Variants in LRRC9 observed in about 807,000 individuals in gnomAD.
LRRC9 encodes leucine rich repeat containing 9, also known as leucine-rich repeat-containing protein 9.
In LRRC9, 122 loss-of-function variants were observed where a neutral mutation model predicts 63.2. The observed-to-expected ratio is 1.93, with a 90% CI of 1.67 to 2.24. The LOEUF (loss-of-function observed/expected upper bound fraction) is 2.24, where lower values mean the gene tolerates loss of function less well. Among genes scored for constraint, LRRC9 ranks in the 30% most tolerant of loss-of-function variants. The pLI, the probability that LRRC9 is intolerant of heterozygous loss-of-function variation, is 0.00. For missense variants in LRRC9, 1,071 were observed against 627.7 expected, an observed-to-expected ratio of 1.71 and a Z score of -7.55; for synonymous variants, 366 against 213.1, an observed-to-expected ratio of 1.72 and a Z score of -6.25.
intron 25 of LRRC9, 68 bp downstream of exon 25, chr14:60,018,547 A>C: frequency 1.6e-6 from 1 of 608,698 alleles, no homozygotes; most frequent in East Asian, 2.8e-5. Flanking sequence ...CTTTGGATTA[A>C]ATGGTATTTC....
At chr14:59,939,759 G>C (rs1422459339) in intron 7 of LRRC9, among the ~76,000 whole-genome samples, 1 of 151,916 alleles carries the variant, frequency 6.6e-6, no homozygotes, top group East Asian at 1.9e-4. Flanking sequence ...GGGAGGTGTA[G>C]GTTTAGGAGG....
At chr14:59,984,326 T>A (rs538291151) in intron 16 of LRRC9, among the ~76,000 whole-genome samples, 2 of 152,278 alleles carry the variant, frequency 1.3e-5, no homozygotes, top group Admixed American at 1.3e-4. Context: ...ATATAAGGCA[T>A]AAGATGGTGG....
At chr14:59,971,195 C>G (rs1490983798) in intron 12 of LRRC9, among the ~76,000 whole-genome samples, 1 of 152,036 alleles carries the variant, frequency 6.6e-6, no homozygotes, top group Non-Finnish European at 1.5e-5. Flanking sequence ...GTTCCTGTCC[C>G]CATTGCTTGT....
chr14:60,006,260 T>C (rs1889799348), intron 21 of LRRC9, 137 bp from the exon 22 acceptor site: 1 of 534,942 alleles, frequency 1.9e-6, no homozygotes, highest in Non-Finnish European at 3.3e-6. Flanking sequence ...CTTAAAGCAA[T>C]GATGGTTAGT....
At chr14:60,002,727 T>G (rs1324804638) in intron 20 of LRRC9, among the ~76,000 whole-genome samples, 6 of 152,130 alleles carry the variant, frequency 3.9e-5, no homozygotes, top group Non-Finnish European at 8.8e-5. Context: ...CTTGACTGCG[T>G]TCGCCACAGA....
rs74646351 is a variant in LRRC9 at position 59,999,097 on chromosome 14, C to A, written c.2404-4C>A. 2 of 640,832 alleles carry A rather than the reference C, an allele frequency of 3.1e-6. No homozygotes were observed. The highest frequency in any genetic ancestry group is 1.8e-5 in the South Asian group (1 of 54,756). The allele number at this position is 640,832 out of a possible 1,614,324, so 39.7% of individuals were successfully genotyped here. A position where few individuals can be genotyped will look rare whatever the true frequency, so the allele number is the denominator to read the frequency against. On this transcript the variant is annotated splice_region_variant and splice_polypyrimidine_tract_variant and intron_variant, in intron 18 of 31. Coordinates refer to ENST00000445360, the Ensembl canonical transcript of LRRC9. ...TAAAAAATTTTTTTTTTGTTTTTCC[C>A]AAGCCAGCCACATTGAGGCTGAGTG...
At chr14:60,007,005 T>A (rs1299830204) in intron 22 of LRRC9, among the ~76,000 whole-genome samples, 4 of 152,186 alleles carry the variant, frequency 2.6e-5, no homozygotes, top group African/African-American at 9.7e-5. Flanking sequence ...AATTTAAGGC[T>A]GTTGTGTAAT....
At chr14:59,976,168 G>A (rs1886263120) in intron 13 of LRRC9, among the ~76,000 whole-genome samples, 1 of 152,184 alleles carries the variant, frequency 6.6e-6, no homozygotes, top group Non-Finnish European at 1.5e-5. Context: ...AGGAAAACAC[G>A]CTCAGGGCTC....
rs1056388104 is a variant in LRRC9 at position 59,964,788 on chromosome 14, T to C, written c.1212-1801T>C. Among the ~76,000 whole-genome samples the C allele has an allele frequency of 6.0e-5, 8 of 132,702 alleles. No homozygotes were observed. The highest frequency in any genetic ancestry group is 8.5e-5 in the Non-Finnish European group (5 of 58,990). 87.1% of individuals were successfully genotyped at this position (132,702 alleles called of 152,430 possible). A position where few individuals can be genotyped will look rare whatever the true frequency, so the allele number is the denominator to read the frequency against. On this transcript the variant is annotated intron_variant, in intron 10 of 31. Transcript: ENST00000445360. This position sits in a 1 kb window ranked among gnomAD's most constrained non-coding sequence, Gnocchi z 4.4. Reference sequence around the variant, plus strand: ...ACTCTAAACTGGTTAGCAGGCATCATGCTTGATTGCAACACTATTCATATC... The same window carrying C: ...ACTCTAAACTGGTTAGCAGGCATCACGCTTGATTGCAACACTATTCATATC...
At chr14:59,980,361 A>G (rs545777456) in intron 15 of LRRC9, among the ~76,000 whole-genome samples, 9 of 152,250 alleles carry the variant, frequency 5.9e-5, no homozygotes, top group African/African-American at 2.2e-4. Flanking sequence ...CTAATTTTGG[A>G]TCACTATCAT....
intron 27 of LRRC9, among the ~76,000 whole-genome samples, chr14:60,023,276 T>C (rs183077930): frequency 1.6e-4 from 24 of 152,172 alleles, no homozygotes; most frequent in Middle Eastern, 6.8e-3. Flanking sequence ...TGTGGAGATG[T>C]ACTGGGCCAA....
intron 3 of LRRC9, among the ~76,000 whole-genome samples, chr14:59,929,708 C>T (rs1396010824): frequency 6.6e-6 from 1 of 151,932 alleles, no homozygotes; most frequent in East Asian, 1.9e-4. Context: ...GATAAAGAAA[C>T]TGTGGTACAT....
At position 59,939,054 on chromosome 14, in the gene LRRC9, CAT is replaced by C. The variant is rs35903047; in HGVS notation, c.726+490_726+491del. Among the ~76,000 whole-genome samples, 177 of 147,236 alleles carry C rather than the reference CAT, an allele frequency of 1.2e-3. 1 individual carries two copies. Among genetic ancestry groups the C allele is most frequent in the South Asian group, 1.9e-3 (9 of 4,734 alleles). The stretch of plus-strand genomic sequence containing the variant: ...ATATACACATATATACATATATACA[CAT>C]ATATATACGTATATACACATATATA... On this transcript the variant is annotated intron_variant, in intron 7 of 31. Transcript: ENST00000445360.
intron 1 of LRRC9, among the ~76,000 whole-genome samples, chr14:59,925,086 A>G (rs1010390127): frequency 6.6e-6 from 1 of 151,976 alleles, no homozygotes; most frequent in Non-Finnish European, 1.5e-5. Flanking sequence ...GTTCTGTCTT[A>G]TGCCTTCAAT....
chr14:59,923,595 A>G lies in LRRC9; in HGVS notation c.-34+3712A>G, dbSNP rs1000829801. 6.6e-6 allele frequency among the ~76,000 whole-genome samples: 1 copy of G among 152,232 alleles called. No homozygotes were observed. The highest frequency in any genetic ancestry group is 2.4e-5 in the African/African-American group (1 of 41,456). On this transcript the variant is annotated intron_variant, in intron 1 of 31. Coordinates refer to ENST00000445360, the Ensembl canonical transcript of LRRC9. This position sits in a 1 kb window ranked among gnomAD's most constrained non-coding sequence, Gnocchi z 4.2. ...GGAAGAATATCCAGGAAACTGCCAA[A>G]AAAGAACATGAGGTGGGAATTTAAA...
chr14:59,941,479 T>C (rs1379058014), intron 7 of LRRC9, among the ~76,000 whole-genome samples: 8 of 151,666 alleles, frequency 5.3e-5, no homozygotes, highest in Admixed American at 3.3e-4. Flanking sequence ...TAATAAAATA[T>C]CTATTAAATT....
At chr14:60,057,653 GAA>G (rs34584505) in intron 30 of LRRC9, 976 of 221,904 alleles carry the variant, frequency 4.4e-3, no homozygotes, top group Middle Eastern at 0.011. Flanking sequence ...AATGCAGTCT[GAA>G]AAAAAAAAAA....
At chr14:59,929,484 G>A (rs1179689771) in intron 3 of LRRC9, among the ~76,000 whole-genome samples, 2 of 151,914 alleles carry the variant, frequency 1.3e-5, no homozygotes, top group Non-Finnish European at 2.9e-5. Flanking sequence ...TGGTGGAAGT[G>A]TGAATTAGTT....
Position 59,923,185 on chromosome 14 carries a change from G to A in LRRC9, c.-34+3302G>A, listed in dbSNP as rs1566773215. Among the ~76,000 whole-genome samples, 1 of 152,216 alleles carries A rather than the reference G, an allele frequency of 6.6e-6. No homozygotes were observed. The highest frequency in any genetic ancestry group is 1.5e-5 in the Non-Finnish European group (1 of 68,034). Reference sequence around the variant, plus strand: ...TGACTGGAGAAAACATACAAGACTTGTAAGTACCAGGAAGGCCTAGCATCC... The same window carrying A: ...TGACTGGAGAAAACATACAAGACTTATAAGTACCAGGAAGGCCTAGCATCC... On this transcript the variant is annotated intron_variant, in intron 1 of 31. Coordinates refer to ENST00000445360, the Ensembl canonical transcript of LRRC9. The surrounding 1 kb of genome is among the most constrained non-coding windows in gnomAD (Gnocchi z 4.2).
Sources: gnomAD v4.1 joint callset for allele counts (sites outside exome capture counted in the v4.1 genomes callset) on GRCh38, gnomAD v4.1.1 for gene constraint, Gnocchi (gnomAD v3.1) non-coding constraint, MANE v1.5 for transcripts, NCBI Gene and HGNC (gene_info 2026-07-23, HGNC 2026-07-21) for gene names.